Variants in TUSC3 observed in about 807,000 individuals in gnomAD.
The protein encoded by TUSC3 is dolichyl-diphosphooligosaccharide--protein glycosyltransferase subunit TUSC3.
In TUSC3, 45 loss-of-function variants were observed where a neutral mutation model predicts 44.8. That is an observed-to-expected ratio of 1.00 (90% CI 0.79 to 1.29). The LOEUF is 1.29. Ranked by LOEUF, TUSC3 falls within the 50% of genes most tolerant of loss-of-function variation. The pLI is 0.00. For missense variants in TUSC3, 519 were observed against 437.9 expected (o/e 1.19, Z -1.65); for synonymous variants, 212 against 152.9 (o/e 1.39, Z -2.85).
At chr8:15,811,502 G>C in the TUSC3 span, among the ~76,000 whole-genome samples, 1 of 152,294 alleles carries the variant, frequency 6.6e-6, no homozygotes, top group African/African-American at 2.4e-5. Context: ...CAGGGCTTCA[G>C]CCAGCTGTCA....
intron 1 of TUSC3, among the ~76,000 whole-genome samples, chr8:15,455,692 T>A (rs1800248624): frequency 6.6e-6 from 1 of 152,200 alleles, no homozygotes; most frequent in Admixed American, 6.5e-5. Flanking sequence ...TACATCAGTT[T>A]AGGAGATCTG....
intron 2 of TUSC3, among the ~76,000 whole-genome samples, chr8:15,510,732 T>A (rs1379994787): frequency 1.3e-5 from 2 of 151,824 alleles, no homozygotes; most frequent in African/African-American, 4.8e-5. Context: ...TCTTATTCCA[T>A]GAAGTCAGTG....
At chr8:15,470,142 G>C (rs1800468380) in intron 1 of TUSC3, among the ~76,000 whole-genome samples, 1 of 151,662 alleles carries the variant, frequency 6.6e-6, no homozygotes, top group Non-Finnish European at 1.5e-5. Flanking sequence ...AGGCATGGTA[G>C]TGCGTGCCTG....
At chr8:15,496,933 A>G (rs1370239637) in intron 2 of TUSC3, among the ~76,000 whole-genome samples, 1 of 152,194 alleles carries the variant, frequency 6.6e-6, no homozygotes, top group Admixed American at 6.5e-5. Flanking sequence ...ACGAATATTG[A>G]TAACTTACTA....
downstream of TUSC3, among the ~76,000 whole-genome samples, chr8:15,770,324 C>T (rs144359010): frequency 8.8e-3 from 1,333 of 152,142 alleles, 17 homozygotes; most frequent in African/African-American, 0.03. Flanking sequence ...AACCAAACAC[C>T]GCGTGTTCTC....
intron 1 of TUSC3, among the ~76,000 whole-genome samples, chr8:15,563,505 G>A (rs995630776): frequency 1.3e-5 from 2 of 151,972 alleles, no homozygotes; most frequent in Non-Finnish European, 2.9e-5. Flanking sequence ...GGCCAATATG[G>A]TGAAACCCTG....
At chr8:15,533,314 C>G (rs1369245976) in intron 2 of TUSC3, among the ~76,000 whole-genome samples, 1 of 152,170 alleles carries the variant, frequency 6.6e-6, no homozygotes, top group Non-Finnish European at 1.5e-5. Context: ...GAGGAATAGT[C>G]ACTTATGCTG....
At chr8:15,704,649 T>G in intron 6 of TUSC3, among the ~76,000 whole-genome samples, 1 of 151,976 alleles carries the variant, frequency 6.6e-6, no homozygotes, top group East Asian at 1.9e-4. Flanking sequence ...TTTTTTTCCT[T>G]TTCTTTTTCT....
intron 1 of TUSC3, among the ~76,000 whole-genome samples, chr8:15,552,289 T>C (rs1802084679): frequency 1.3e-5 from 2 of 151,796 alleles, no homozygotes; most frequent in Non-Finnish European, 1.5e-5. Flanking sequence ...TGTCATTTTT[T>C]GTCAACAAAT....
At chr8:15,553,995 T>G (rs1802144882) in intron 1 of TUSC3, among the ~76,000 whole-genome samples, 2 of 151,558 alleles carry the variant, frequency 1.3e-5, no homozygotes, top group Non-Finnish European at 2.9e-5. Flanking sequence ...CCATACAAAT[T>G]TTTTTCTCAC....
intron 1 of TUSC3, among the ~76,000 whole-genome samples, chr8:15,594,806 G>A (rs1192639172): frequency 6.6e-6 from 1 of 152,166 alleles, no homozygotes; most frequent in East Asian, 1.9e-4. Flanking sequence ...TATGCAACAA[G>A]TTACATAAGA....
At chr8:15,582,242 G>T (rs984975182) in intron 1 of TUSC3, among the ~76,000 whole-genome samples, 4 of 152,198 alleles carry the variant, frequency 2.6e-5, no homozygotes, top group African/African-American at 9.6e-5. Flanking sequence ...TGGTACCTCA[G>T]ATGGAAATGC....
chr8:15,662,418 C>G lies in TUSC3; in HGVS notation c.708+122C>G, dbSNP rs1807464286. On this transcript the variant is annotated intron_variant, in intron 5 of 10. Transcript: ENST00000503731. ...GAACTTAAGTCTGAATGAGAAGTAACTTTTTAGAACTTGGATAATTTAGTT... is the reference window on the plus strand; with the variant it reads ...GAACTTAAGTCTGAATGAGAAGTAAGTTTTTAGAACTTGGATAATTTAGTT... The G allele has an allele frequency of 8.2e-6, 11 of 1,348,494 alleles. No individual in the cohort carries two copies. The South Asian group carries it at 1.4e-4, about 17-fold the overall frequency. 83.5% of individuals were successfully genotyped at this position (1,348,494 alleles called of 1,614,324 possible). A position where few individuals can be genotyped will look rare whatever the true frequency, so the allele number is the denominator to read the frequency against.
the TUSC3 span, among the ~76,000 whole-genome samples, chr8:15,805,159 A>G: frequency 3.3e-5 from 5 of 152,116 alleles, no homozygotes; most frequent in African/African-American, 1.2e-4. Context: ...TGGAAATGCT[A>G]CTGATTTTCG....
At chr8:15,841,108 C>T in the TUSC3 span, among the ~76,000 whole-genome samples, 131 of 152,188 alleles carry the variant, frequency 8.6e-4, no homozygotes, top group African/African-American at 2.5e-3. Flanking sequence ...ATCACAGCCA[C>T]GTAGCCAGTA....
chr8:15,779,067 G>A, the TUSC3 span, among the ~76,000 whole-genome samples: 2 of 149,682 alleles, frequency 1.3e-5, no homozygotes, highest in East Asian at 2.0e-4. Context: ...TCCTGGGTAA[G>A]TACTAGAAGC....
chr8:15,525,853 C>T (rs1801366723), intron 2 of TUSC3, among the ~76,000 whole-genome samples: 1 of 151,874 alleles, frequency 6.6e-6, no homozygotes, highest in Admixed American at 6.6e-5. Context: ...TCGGTTAGGC[C>T]GTAATGGGGG....
At chr8:15,842,567 A>G in the TUSC3 span, among the ~76,000 whole-genome samples, 1 of 152,162 alleles carries the variant, frequency 6.6e-6, no homozygotes, top group Non-Finnish European at 1.5e-5. Flanking sequence ...GAGCAAAATG[A>G]TGAGGGCAGA....
chr8:15,450,981 C>G (rs1420448229), intron 1 of TUSC3, among the ~76,000 whole-genome samples: 1 of 152,092 alleles, frequency 6.6e-6, no homozygotes, highest in African/African-American at 2.4e-5. Flanking sequence ...ATGACTAACA[C>G]CATGGTCAAT....
Sources: gnomAD v4.1 joint callset for allele counts (sites outside exome capture counted in the v4.1 genomes callset) on GRCh38, gnomAD v4.1.1 for gene constraint, MANE v1.5 for transcripts, NCBI Gene and HGNC (gene_info 2026-07-23, HGNC 2026-07-21) for gene names.